The following PDE3A variants were observed in gnomAD, a reference collection of about 807,000 sequenced individuals.
The protein encoded by PDE3A is phosphodiesterase 3A.
In PDE3A, 43 loss-of-function variants were observed where a neutral mutation model predicts 98.3. The observed-to-expected ratio is 0.44, with a 90% CI of 0.34 to 0.56. PDE3A has a LOEUF of 0.56. Among genes scored for constraint, PDE3A ranks in the 20% least tolerant of loss-of-function variants. The pLI is 0.01. For missense variants in PDE3A, 1,427 were observed against 1,440.7 expected, an observed-to-expected ratio of 0.99 and a Z score of 0.15; for synonymous variants, 663 against 567.9, an observed-to-expected ratio of 1.17 and a Z score of -2.38.
At chr12:20,530,018 A>T (rs1238429469) in intron 1 of PDE3A, among the ~76,000 whole-genome samples, 1 of 152,068 alleles carries the variant, frequency 6.6e-6, no homozygotes, top group African/African-American at 2.4e-5. Flanking sequence ...TCTGTTGTCC[A>T]TTTTTTTGGT....
At chr12:20,510,789 T>A (rs1227768539) in intron 1 of PDE3A, among the ~76,000 whole-genome samples, 1 of 152,076 alleles carries the variant, frequency 6.6e-6, no homozygotes, top group African/African-American at 2.4e-5. Context: ...ATGTCCTCTG[T>A]TTCTTCTATA....
intron 2 of PDE3A, chr12:20,556,924 C>T: frequency 1.7e-6 from 1 of 599,326 alleles, no homozygotes; most frequent in Non-Finnish European, 3.0e-6. Context: ...TCTGGTATCC[C>T]AGATTGGTTG....
rs767425849 is a variant in PDE3A at position 20,369,309 on chromosome 12, C to G, written c.25C>G (p.Arg9Gly). 14 of 1,531,392 alleles carry G rather than the reference C, an allele frequency of 9.1e-6. No homozygotes were observed. The South Asian group carries it at 9.7e-5, about 11-fold the overall frequency. The allele number at this position is 1,531,392 out of a possible 1,614,324, so 94.9% of individuals were successfully genotyped here. The change falls in exon 1 of 16, where the codon CGA becomes GGA. Residue 9 changes from arginine (R) to glycine (G), a missense_variant. Physicochemically the swap from Arg to Gly is moderately radical, Grantham distance 125 (BLOSUM62 -2). This residue lies in a region of PDE3A where 1,012 missense variants were observed against 886.5 expected (regional missense o/e 1.14). Transcript: ENST00000359062. ...CATGGCAGTGCCCGGCGACGCTGCA[C>G]GAGTCAGGGACAAGCCCGTCCACAG... MAVPGDAA[R>G]VRDKPVHSGV...
chr12:20,542,807 G>A (rs1941953714), intron 1 of PDE3A, among the ~76,000 whole-genome samples: 1 of 151,842 alleles, frequency 6.6e-6, no homozygotes, highest in Non-Finnish European at 1.5e-5. Context: ...TGTGCCAGTG[G>A]GTTCGTCTGA....
intron 1 of PDE3A, among the ~76,000 whole-genome samples, chr12:20,411,876 G>T (rs930223792): frequency 1.3e-5 from 2 of 151,966 alleles, no homozygotes; most frequent in Admixed American, 1.3e-4. Flanking sequence ...AAAAATTACC[G>T]TGTGCTTAAA....
chr12:20,532,598 A>C (rs1196431963), intron 1 of PDE3A, among the ~76,000 whole-genome samples: 1 of 152,132 alleles, frequency 6.6e-6, no homozygotes, highest in Non-Finnish European at 1.5e-5. Context: ...CTACCATTCA[A>C]TGTGAATATT....
At chr12:20,493,919 C>A (rs958528606) in intron 1 of PDE3A, among the ~76,000 whole-genome samples, 1 of 152,252 alleles carries the variant, frequency 6.6e-6, no homozygotes, top group Non-Finnish European at 1.5e-5. Flanking sequence ...CGTGAGCCAG[C>A]ACGCCTGGCC....
intron 2 of PDE3A, among the ~76,000 whole-genome samples, chr12:20,574,424 C>G (rs545680734): frequency 5.3e-5 from 8 of 152,118 alleles, no homozygotes; most frequent in African/African-American, 1.4e-4. Flanking sequence ...TATACGTGAC[C>G]TTAATGAGAT....
intron 5 of PDE3A, among the ~76,000 whole-genome samples, chr12:20,627,815 G>C (rs1217963643): frequency 6.6e-6 from 1 of 152,138 alleles, no homozygotes; most frequent in Non-Finnish European, 1.5e-5. Context: ...CTACTTGTTG[G>C]ATGAAGAAAT....
intron 1 of PDE3A, among the ~76,000 whole-genome samples, chr12:20,535,858 T>A (rs1354034859): frequency 6.6e-6 from 1 of 152,166 alleles, no homozygotes; most frequent in Admixed American, 6.5e-5. Context: ...TACATATTAA[T>A]GCTGAAATCT....
At chr12:20,489,624 T>C (rs922387789) in intron 1 of PDE3A, among the ~76,000 whole-genome samples, 8 of 152,242 alleles carry the variant, frequency 5.3e-5, no homozygotes, top group African/African-American at 1.9e-4. Flanking sequence ...TGATGTTTTA[T>C]ATATGTGATC....
intron 1 of PDE3A, among the ~76,000 whole-genome samples, chr12:20,412,877 C>T (rs1944358580): frequency 6.6e-6 from 1 of 152,112 alleles, no homozygotes; most frequent in South Asian, 2.1e-4. Context: ...AACCATCATA[C>T]TAACTGTAAA....
chr12:20,452,769 T>C (rs998843775), intron 1 of PDE3A, among the ~76,000 whole-genome samples: 1 of 152,134 alleles, frequency 6.6e-6, no homozygotes, highest in Non-Finnish European at 1.5e-5. Context: ...AACTTAATGA[T>C]AGACATCAGC....
At chr12:20,473,996 C>A (rs932059132) in intron 1 of PDE3A, among the ~76,000 whole-genome samples, 1 of 151,936 alleles carries the variant, frequency 6.6e-6, no homozygotes, top group East Asian at 1.9e-4. Context: ...AGGCATATAC[C>A]TGGGAGTTAA....
At chr12:20,377,248 A>G (rs1243586504) in intron 1 of PDE3A, among the ~76,000 whole-genome samples, 3 of 151,840 alleles carry the variant, frequency 2.0e-5, no homozygotes, top group Non-Finnish European at 4.4e-5. Context: ...GTCCAGTAGA[A>G]ATACAACACA....
Position 20,368,938 on chromosome 12 carries a change from C to G in PDE3A, c.-347C>G, listed in dbSNP as rs946074631. On this transcript the variant is annotated 5_prime_UTR_variant, in exon 1 of 16. Transcript: ENST00000359062. The stretch of plus-strand genomic sequence containing the variant: ...TTGAAATCCTGAAGTAGGAAGAGAC[C>G]CCGGAGGATATAAGTCGGGGGTGGG... Among the ~76,000 whole-genome samples, 4 of 151,922 alleles carry G rather than the reference C, an allele frequency of 2.6e-5. No individual in the cohort carries two copies. Among genetic ancestry groups the G allele is most frequent in the Non-Finnish European group, 5.9e-5 (4 of 67,984 alleles).
intron 6 of PDE3A, among the ~76,000 whole-genome samples, chr12:20,632,982 GCT>G (rs1944416795): frequency 9.6e-6 from 1 of 103,778 alleles, no homozygotes; most frequent in African/African-American, 3.9e-5. Flanking sequence ...ATGGAGTCTT[GCT>G]CTGTTACCCA....
chr12:20,660,932 G>A (rs540723966), intron 15 of PDE3A, among the ~76,000 whole-genome samples: 323 of 151,878 alleles, frequency 2.1e-3, no homozygotes, highest in African/African-American at 7.2e-3. Context: ...CTTTGGAACT[G>A]GGTAACAGGA....
At chr12:20,383,866 G>A (rs1480779157) in intron 1 of PDE3A, among the ~76,000 whole-genome samples, 1 of 151,966 alleles carries the variant, frequency 6.6e-6, no homozygotes, top group Admixed American at 6.6e-5. Context: ...AAGAAAGGAT[G>A]TTACCAGCCT....
Sources: gnomAD v4.1 joint callset for allele counts (sites outside exome capture counted in the v4.1 genomes callset) on GRCh38, gnomAD v4.1.1 for gene constraint, gnomAD v4.1.1 regional missense constraint, MANE v1.5 for transcripts, NCBI Gene and HGNC (gene_info 2026-07-23, HGNC 2026-07-21) for gene names.